The following VMP1 variants were observed in gnomAD, a reference collection of about 807,000 sequenced individuals.
The protein encoded by VMP1 is ectopic P-granules autophagy protein 3 homolog.
VMP1 carries 11 observed loss-of-function variants against 56.0 expected under a neutral mutation model. The observed-to-expected ratio is 0.20, with a 90% CI of 0.12 to 0.32. VMP1 has a LOEUF of 0.32. Among genes scored for constraint, VMP1 ranks in the 10% least tolerant of loss-of-function variants. The pLI is 1.00. For missense variants in VMP1, 296 were observed against 490.3 expected, an observed-to-expected ratio of 0.60 and a Z score of 3.74; for synonymous variants, 149 against 165.0, an observed-to-expected ratio of 0.90 and a Z score of 0.74.
intron 7 of VMP1, among the ~76,000 whole-genome samples, chr17:59,807,283 T>G (rs1348864982): frequency 6.6e-6 from 1 of 151,216 alleles, no homozygotes; most frequent in African/African-American, 2.4e-5. Flanking sequence ...CTGCAAACTC[T>G]GCCTCCCGGG....
At chr17:59,768,670 C>T (rs931631069) in intron 6 of VMP1, among the ~76,000 whole-genome samples, 3 of 151,152 alleles carry the variant, frequency 2.0e-5, no homozygotes, top group East Asian at 4.0e-4. Context: ...GAAGTTGGAC[C>T]CTTACCTTAC....
chr17:59,823,988 G>A (rs886374499), intron 10 of VMP1, among the ~76,000 whole-genome samples: 6 of 152,230 alleles, frequency 3.9e-5, no homozygotes, highest in Admixed American at 6.5e-5. Flanking sequence ...CCCGGGCCGG[G>A]CGCAGAGGCT....
At chr17:59,733,344 G>A (rs2034904465) in intron 2 of VMP1, among the ~76,000 whole-genome samples, 1 of 152,032 alleles carries the variant, frequency 6.6e-6, no homozygotes, top group Admixed American at 6.5e-5. Context: ...ATAAAGTTGT[G>A]CAAGTCATTT....
At chr17:59,717,673 A>G (rs889439922) in intron 1 of VMP1, among the ~76,000 whole-genome samples, 1 of 152,178 alleles carries the variant, frequency 6.6e-6, no homozygotes, top group Non-Finnish European at 1.5e-5. Context: ...TAATCCCAGC[A>G]CTTTGGGAGG....
At chr17:59,715,506 A>C (rs1568010139) in intron 1 of VMP1, among the ~76,000 whole-genome samples, 1 of 152,152 alleles carries the variant, frequency 6.6e-6, no homozygotes, top group Non-Finnish European at 1.5e-5. Context: ...CCCATGATCC[A>C]ATCACCTCCC....
intron 6 of VMP1, among the ~76,000 whole-genome samples, chr17:59,773,307 G>C (rs748678139): frequency 5.9e-5 from 9 of 151,870 alleles, no homozygotes; most frequent in Non-Finnish European, 1.0e-4. Context: ...GAAGCGGTGG[G>C]GGGGGGCAAA....
chr17:59,802,395 T>C (rs1425650718), intron 7 of VMP1, among the ~76,000 whole-genome samples: 2 of 151,610 alleles, frequency 1.3e-5, no homozygotes, highest in African/African-American at 4.8e-5. Context: ...ATACACTGCA[T>C]GATGTTCACA....
chr17:59,757,998 C>T (rs1300410283), intron 5 of VMP1, among the ~76,000 whole-genome samples: 3 of 151,426 alleles, frequency 2.0e-5, no homozygotes, highest in Non-Finnish European at 2.9e-5. Context: ...CACCACCATA[C>T]CCAGCTAATT....
At chr17:59,805,952 G>T (rs1196379773) in intron 7 of VMP1, among the ~76,000 whole-genome samples, 2 of 151,884 alleles carry the variant, frequency 1.3e-5, no homozygotes, top group Non-Finnish European at 2.9e-5. Flanking sequence ...AAGTGGATTT[G>T]CTATGAAAAT....
chr17:59,841,327 G>A lies in VMP1; in HGVS notation c.*1416G>A. 1 of 510,578 alleles carries A rather than the reference G, an allele frequency of 2.0e-6. No homozygotes were observed. The highest frequency in any genetic ancestry group is 4.1e-6 in the Non-Finnish European group (1 of 241,310). 31.6% of individuals were successfully genotyped at this position (510,578 alleles called of 1,614,324 possible). ...ATCTCATGGCAACACCAGTCGATGG[G>A]CTGTCTGACATTTTGGTATCTTTCA... On this transcript the variant is annotated 3_prime_UTR_variant, in exon 12 of 12. Transcript: ENST00000262291.
chr17:59,796,650 AGTT>A (rs529324427), intron 7 of VMP1, among the ~76,000 whole-genome samples: 58 of 152,326 alleles, frequency 3.8e-4, no homozygotes, highest in Admixed American at 7.8e-4. Context: ...AAATGTTATA[AGTT>A]GTTTTTCTAA....
intron 10 of VMP1, among the ~76,000 whole-genome samples, chr17:59,826,788 G>A (rs2038658296): frequency 1.3e-5 from 2 of 152,190 alleles, no homozygotes; most frequent in Non-Finnish European, 2.9e-5. Flanking sequence ...GAAAACTGGA[G>A]TGAAGACTCC....
intron 9 of VMP1, 65 bp downstream of exon 9, chr17:59,811,851 T>C: frequency 8.8e-7 from 1 of 1,135,860 alleles, no homozygotes; most frequent in South Asian, 1.3e-5. Context: ...TGAAACATGC[T>C]CATTCCTAAG....
At chr17:59,836,006 T>G (rs2038969399) in intron 10 of VMP1, among the ~76,000 whole-genome samples, 1 of 150,774 alleles carries the variant, frequency 6.6e-6, no homozygotes, top group African/African-American at 2.4e-5. Context: ...CTCCCTAATA[T>G]AAGTCTGCTT....
chr17:59,841,454 T>G lies in VMP1; in HGVS notation c.*1543T>G, dbSNP rs1409212488. The G allele has an allele frequency of 2.2e-5, 7 of 315,702 alleles. No homozygotes were observed. Among genetic ancestry groups the G allele is most frequent in the South Asian group, 1.3e-4 (5 of 38,178 alleles). The allele number at this position is 315,702 out of a possible 1,614,324, so 19.6% of individuals were successfully genotyped here. ...CTGTCTGGTGGCACTTAGAGTCTTTTGTGCCATAATGCAGCAGTATGGAGG... is the reference window on the plus strand; with the variant it reads ...CTGTCTGGTGGCACTTAGAGTCTTTGGTGCCATAATGCAGCAGTATGGAGG... On this transcript the variant is annotated 3_prime_UTR_variant, in exon 12 of 12. Transcript: ENST00000262291.
intron 1 of VMP1, among the ~76,000 whole-genome samples, chr17:59,716,070 C>G (rs891119172): frequency 6.6e-5 from 10 of 151,864 alleles, no homozygotes; most frequent in African/African-American, 2.4e-4. Flanking sequence ...TTTTTTGAGA[C>G]TTGTTTCTTA....
At chr17:59,832,761 A>ATTTTTTTTTTTT (rs71145580) in intron 10 of VMP1, among the ~76,000 whole-genome samples, 39 of 101,300 alleles carry the variant, frequency 3.8e-4, no homozygotes, top group African/African-American at 5.2e-4. Context: ...GCCTGGCAAT[A>ATTTTTTTTTTTT]TTTTTTTTTT....
At chr17:59,800,700 A>G (rs76480312) in intron 7 of VMP1, among the ~76,000 whole-genome samples, 1 of 152,270 alleles carries the variant, frequency 6.6e-6, no homozygotes, top group East Asian at 1.9e-4. Flanking sequence ...TCACCTAGTG[A>G]CATGGTAATG....
At chr17:59,804,926 T>C (rs1177076079) in intron 7 of VMP1, among the ~76,000 whole-genome samples, 1 of 152,168 alleles carries the variant, frequency 6.6e-6, no homozygotes, top group African/African-American at 2.4e-5. Flanking sequence ...ATTCTGAGAA[T>C]ATTGTGAAAG....
Sources: allele counts gnomAD v4.1 joint callset (sites outside exome capture counted in the v4.1 genomes callset), GRCh38; gene constraint gnomAD v4.1.1; transcripts MANE v1.5; gene names NCBI Gene and HGNC (gene_info 2026-07-23, HGNC 2026-07-21).